The following SERPINB2 variants were observed in gnomAD, a reference collection of about 807,000 sequenced individuals.
The protein encoded by SERPINB2 is serpin family B member 2.
SERPINB2 carries 28 observed loss-of-function variants against 39.4 expected under a neutral mutation model. The observed-to-expected ratio is 0.71, with a 90% confidence interval of 0.53 to 0.97. The LOEUF (loss-of-function observed/expected upper bound fraction) is 0.97, where lower values mean the gene tolerates loss of function less well. Ranked by LOEUF, SERPINB2 falls within the 50% of genes least tolerant of loss-of-function variation. The pLI is 0.00. For synonymous variants in SERPINB2, 209 were observed against 175.1 expected, an observed-to-expected ratio of 1.19 and a Z score of -1.53; for missense variants, 557 against 505.3, an observed-to-expected ratio of 1.10 and a Z score of -0.98.
At chr18:63,901,371 A>C (rs1407952082) in intron 5 of SERPINB2, among the ~76,000 whole-genome samples, 1 of 152,186 alleles carries the variant, frequency 6.6e-6, no homozygotes, top group Non-Finnish European at 1.5e-5. Flanking sequence ...CTAGCAGTAC[A>C]TGATATATTT....
At chr18:63,898,097 T>C (rs2049972076) in intron 5 of SERPINB2, among the ~76,000 whole-genome samples, 1 of 152,182 alleles carries the variant, frequency 6.6e-6, no homozygotes, top group African/African-American at 2.4e-5. Context: ...GGATAGAATA[T>C]GAAAGGAGGC....
At chr18:63,897,692 T>G (rs2049968875) in intron 4 of SERPINB2, 35 bp from the exon 5 acceptor site, 2 of 1,361,914 alleles carry the variant, frequency 1.5e-6, no homozygotes, top group South Asian at 1.2e-5. Context: ...TTGGTATGTA[T>G]TTTATGTAGC....
In SERPINB2 at chr18:63,903,433, A is replaced by G. The variant is rs1237188752; in HGVS notation, c.*128A>G. On this transcript the variant is annotated 3_prime_UTR_variant, in exon 8 of 8. Transcript: ENST00000299502. ...TCTGCTCTTCTGAACAACTTCTGCT[A>G]CCCACTAAATAAAAACACAGAAATA... 4 of 820,428 alleles carry G rather than the reference A, an allele frequency of 4.9e-6. No homozygotes were observed. Among genetic ancestry groups the G allele is most frequent in the Non-Finnish European group, 7.0e-6 (4 of 572,774 alleles). 50.8% of individuals were successfully genotyped at this position (820,428 alleles called of 1,614,324 possible). A position where few individuals can be genotyped will look rare whatever the true frequency, so the allele number is the denominator to read the frequency against.
chr18:63,899,304 T>C (rs56979269), intron 5 of SERPINB2, among the ~76,000 whole-genome samples: 43,554 of 152,020 alleles, frequency 0.29, 6,835 homozygotes, highest in East Asian at 0.48. Flanking sequence ...TGTTAGTTTG[T>C]TTTGCTTTTC....
intron 2 of SERPINB2, 74 bp downstream of exon 2, chr18:63,891,686 T>C: frequency 2.1e-6 from 3 of 1,444,176 alleles, no homozygotes; most frequent in East Asian, 2.4e-5. Context: ...TCTTGTTTTA[T>C]GCTAAAGACA....
intron 5 of SERPINB2, among the ~76,000 whole-genome samples, chr18:63,898,210 T>C (rs2049972594): frequency 6.6e-6 from 1 of 152,164 alleles, no homozygotes; most frequent in African/African-American, 2.4e-5. Context: ...TAGTAAATGG[T>C]GTGAGCTATA....
Position 63,903,432 on chromosome 18 carries a change from T to C in SERPINB2, c.*127T>C, listed in dbSNP as rs2050007809. 3.6e-6 allele frequency: 3 copies of C among 826,276 alleles called. No homozygotes were observed. Among genetic ancestry groups the C allele is most frequent in the Non-Finnish European group, 3.5e-6 (2 of 577,394 alleles). The allele number at this position is 826,276 out of a possible 1,614,324, so 51.2% of individuals were successfully genotyped here. A position where few individuals can be genotyped will look rare whatever the true frequency, so the allele number is the denominator to read the frequency against. ...TTCTGCTCTTCTGAACAACTTCTGC[T>C]ACCCACTAAATAAAAACACAGAAAT... On this transcript the variant is annotated 3_prime_UTR_variant, in exon 8 of 8. Coordinates refer to ENST00000299502, the MANE Select transcript of SERPINB2 (RefSeq NM_002575.3).
rs2049999425 is a variant in SERPINB2 at position 63,902,581 on chromosome 18, G to A, written c.843+13G>A. 2 of 1,576,124 alleles carry A rather than the reference G, an allele frequency of 1.3e-6. No homozygotes were observed. The highest frequency in any genetic ancestry group is 1.8e-5 in the Admixed American group (1 of 54,836). On this transcript the variant is annotated intron_variant, in intron 7 of 7. Coordinates refer to ENST00000299502, the MANE Select transcript of SERPINB2 (RefSeq NM_002575.3). ...TGGCTTGGAGCTGGTAAGACATTCA[G>A]ATATTTAAGTTTCTGGGGCTATACC...
chr18:63,887,908 T>C lies in SERPINB2; in HGVS notation c.-10+138T>C, dbSNP rs567897898. Reference sequence around the variant, plus strand: ...CGAGTAAAATTTAAGTGGTGTTTTCTTGTTTAGTTGTTGAATTGAAAATAT... The same window carrying C: ...CGAGTAAAATTTAAGTGGTGTTTTCCTGTTTAGTTGTTGAATTGAAAATAT... On this transcript the variant is annotated intron_variant, in intron 1 of 7. Transcript: ENST00000299502. 6 of 152,358 alleles carry C rather than the reference T, an allele frequency of 3.9e-5. No individual in the cohort carries two copies. In the East Asian group the frequency reaches 1.2e-3, roughly 29 times the overall value. 9.4% of individuals were successfully genotyped at this position (152,358 alleles called of 1,614,324 possible). A position where few individuals can be genotyped will look rare whatever the true frequency, so the allele number is the denominator to read the frequency against.
At chr18:63,899,432 A>G (rs7505052) in intron 5 of SERPINB2, among the ~76,000 whole-genome samples, 36,313 of 152,122 alleles carry the variant, frequency 0.24, 4,529 homozygotes, top group Admixed American at 0.32. Flanking sequence ...CTGAATTTCC[A>G]GGTAGAGTTG....
Position 63,902,509 on chromosome 18 carries a change from G to A in SERPINB2, c.784G>A (p.Val262Ile), listed in dbSNP as rs2049998775. 1.2e-6 allele frequency: 2 copies of A among 1,613,700 alleles called. No individual in the cohort carries two copies. Among genetic ancestry groups the A allele is most frequent in the Middle Eastern group, 1.7e-4 (1 of 6,048 alleles). Residue 262 changes from valine (V) to isoleucine (I), a missense_variant, in exon 7 of 8, where the codon GTT (valine) becomes ATT (isoleucine). Val to Ile is a conservative substitution (Grantham distance 29). Transcript: ENST00000299502. Reference protein sequence around the residue: ...QILELPYAGDVSMFLLLPDEI... With the variant: ...QILELPYAGDISMFLLLPDEI... ...TCTAGAACTCCCATATGCTGGAGAT[G>A]TTAGCATGTTCTTGTTGCTTCCAGA...
intron 1 of SERPINB2, among the ~76,000 whole-genome samples, chr18:63,889,228 C>T (rs2049910185): frequency 6.6e-6 from 1 of 152,178 alleles, no homozygotes; most frequent in African/African-American, 2.4e-5. Context: ...GCCATACAGA[C>T]ATCAAATATT....
Position 63,901,824 on chromosome 18 carries a change from A to T in SERPINB2, c.620A>T (p.Lys207Met), listed in dbSNP as rs375227084. The T allele has an allele frequency of 4.2e-5, 68 of 1,604,628 alleles. No homozygotes were observed. The South Asian group carries it at 7.0e-4, about 16-fold the overall frequency. ...VLVNAVYFKG[K>M]WKTPFEKKLN... ...GTGAATGCTGTCTACTTCAAAGGAA[A>T]GTGGAAAACTCCATTTGAGAAGAAA... is the stretch of plus-strand genomic sequence containing the variant. Residue 207 changes from lysine to methionine, a missense_variant, in exon 6 of 8, where the codon AAG becomes ATG. Physicochemically the swap from Lys to Met is moderately conservative, Grantham distance 95. Coordinates refer to ENST00000299502, the MANE Select transcript of SERPINB2 (RefSeq NM_002575.3).
intron 6 of SERPINB2, 131 bp downstream of exon 6, chr18:63,902,013 C>A: frequency 1.1e-6 from 1 of 874,132 alleles, no homozygotes; most frequent in Non-Finnish European, 1.7e-6. Flanking sequence ...AGTTGATTGA[C>A]TCTTTAGAAA....
intron 3 of SERPINB2, among the ~76,000 whole-genome samples, chr18:63,896,286 G>C (rs2049958964): frequency 6.6e-6 from 1 of 152,208 alleles, no homozygotes; most frequent in South Asian, 2.1e-4. Context: ...ACAGGCTGCT[G>C]CTGTGACCAA....
At chr18:63,896,513 T>C (rs1000766192) in intron 3 of SERPINB2, among the ~76,000 whole-genome samples, 1 of 152,210 alleles carries the variant, frequency 6.6e-6, no homozygotes, top group Admixed American at 6.5e-5. Flanking sequence ...AAATTGTACA[T>C]GTTCAAGATG....
intron 3 of SERPINB2, among the ~76,000 whole-genome samples, chr18:63,896,246 C>T (rs1165627491): frequency 6.6e-6 from 1 of 152,144 alleles, no homozygotes; most frequent in African/African-American, 2.4e-5. Flanking sequence ...CCTGGCAGTC[C>T]ATCAGGAGGG....
At chr18:63,897,655 A>G (rs563211021) in intron 4 of SERPINB2, 72 bp from the exon 5 acceptor site, 2 of 1,083,656 alleles carry the variant, frequency 1.8e-6, no homozygotes, top group African/African-American at 3.2e-5. Flanking sequence ...TGGGAAGACC[A>G]TAATTCACCA....
intron 1 of SERPINB2, among the ~76,000 whole-genome samples, chr18:63,890,379 C>T (rs1416241494): frequency 6.6e-6 from 1 of 152,138 alleles, no homozygotes; most frequent in Non-Finnish European, 1.5e-5. Flanking sequence ...GGGGAAGGCA[C>T]TGTCATAAGA....
Sources: allele counts gnomAD v4.1 joint callset (sites outside exome capture counted in the v4.1 genomes callset), GRCh38; gene constraint gnomAD v4.1.1; transcripts MANE v1.5; gene names NCBI Gene and HGNC (gene_info 2026-07-23, HGNC 2026-07-21).